Variants in SUPV3L1 observed in about 807,000 individuals in gnomAD.
SUPV3L1 encodes the protein Suv3 like RNA helicase, also known as ATP-dependent RNA helicase SUPV3L1, mitochondrial.
In SUPV3L1, 35 loss-of-function variants were observed where a neutral mutation model predicts 70.0. The observed-to-expected ratio is 0.50, with a 90% CI of 0.38 to 0.66. The LOEUF (loss-of-function observed/expected upper bound fraction) is 0.66, where lower values mean the gene tolerates loss of function less well. Among genes scored for constraint, SUPV3L1 ranks in the 30% least tolerant of loss-of-function variants. The pLI is 0.00. For missense variants in SUPV3L1, 777 were observed against 961.5 expected (o/e 0.81, Z 2.54); for synonymous variants, 364 against 341.9 (o/e 1.06, Z -0.71).
At chr10:69,201,919 C>T (rs1452771463) in intron 11 of SUPV3L1, among the ~76,000 whole-genome samples, 2 of 149,130 alleles carry the variant, frequency 1.3e-5, no homozygotes, top group Non-Finnish European at 3.0e-5. Context: ...CGGCTCACTG[C>T]AAGCTCTGCC....
At chr10:69,198,954 T>C in intron 9 of SUPV3L1, 150 bp from the exon 10 acceptor site, 1 of 623,984 alleles carries the variant, frequency 1.6e-6, no homozygotes, top group Non-Finnish European at 2.7e-6. Context: ...TAAGTGGCTC[T>C]TTGAGGATAT....
At chr10:69,193,263 A>G (rs1405888775) in intron 6 of SUPV3L1, 1 of 47,534 alleles carries the variant, frequency 2.1e-5, no homozygotes, top group African/African-American at 3.7e-5. Flanking sequence ...ACAAATAGGA[A>G]GGTACTTTAC....
At chr10:69,205,828 C>CCCGG (rs1321496827) in intron 13 of SUPV3L1, among the ~76,000 whole-genome samples, 2 of 152,248 alleles carry the variant, frequency 1.3e-5, no homozygotes, top group Admixed American at 1.3e-4. Flanking sequence ...AGCCACCACA[C>CCCGG]CCGGCCGCTC....
chr10:69,183,566 C>T lies in SUPV3L1; in HGVS notation c.272-2421C>T, dbSNP rs1842128500. The stretch of plus-strand genomic sequence containing the variant: ...TGATGGTGTGTGCCTGTAGTTCCAG[C>T]TACTTGGGAGGCTGAGGTGGGAGGG... On this transcript the variant is annotated intron_variant, in intron 1 of 14. Coordinates refer to ENST00000359655, the MANE Select transcript of SUPV3L1 (RefSeq NM_003171.5). Among the ~76,000 whole-genome samples the T allele has an allele frequency of 2.0e-5, 3 of 152,196 alleles. No homozygotes were observed. In the South Asian group the frequency reaches 6.2e-4, roughly 32 times the overall value.
rs779854894 is a variant in SUPV3L1, at chr10:69,208,835, A to G, written c.2161A>G (p.Thr721Ala). 8 of 1,614,160 alleles carry G rather than the reference A, an allele frequency of 5.0e-6. No homozygotes were observed. In the South Asian group the frequency reaches 8.8e-5, roughly 18 times the overall value. ...CACCAAAGCTCTAGGGAGTAAAGCTACTGAGCCACCCAGCCCCGATGCAGG... is the reference window on the plus strand; with the variant it reads ...CACCAAAGCTCTAGGGAGTAAAGCTGCTGAGCCACCCAGCCCCGATGCAGG... ...RGTKALGSKA[T>A]EPPSPDAGEL... is the part of the protein sequence containing the mutation. The change falls in exon 15 of 15, where the codon ACT becomes GCT. Residue 721 changes from threonine to alanine, a missense_variant. Thr to Ala is a moderately conservative substitution (Grantham distance 58). Coordinates refer to ENST00000359655, the MANE Select transcript of SUPV3L1 (RefSeq NM_003171.5).
Position 69,191,772 on chromosome 10 carries a change from T to C in SUPV3L1, c.853+6T>C, listed in dbSNP as rs576391101. The C allele has an allele frequency of 5.0e-6, 8 of 1,600,422 alleles. No individual in the cohort carries two copies. In the South Asian group the frequency reaches 6.7e-5, roughly 13 times the overall value. Reference sequence around the variant, plus strand: ...GTGCAGTGTTACAACTCCTTGTATGTATATGCTGTTTAAGAAACTATGGTT... The same window carrying C: ...GTGCAGTGTTACAACTCCTTGTATGCATATGCTGTTTAAGAAACTATGGTT... On this transcript the variant is annotated splice_donor_region_variant and intron_variant, in intron 6 of 14. Transcript: ENST00000359655.
In SUPV3L1 at chr10:69,190,173, C is replaced by T. The variant is rs188461026; in HGVS notation, c.741+738C>T. On this transcript the variant is annotated intron_variant, in intron 5 of 14. Coordinates refer to ENST00000359655, the MANE Select transcript of SUPV3L1 (RefSeq NM_003171.5). ...AGAAATAAAATATTGTTGCTACTCT[C>T]AAAACTCTGTAGTCCTTTGCCCCAT... 2.6e-5 allele frequency among the ~76,000 whole-genome samples: 4 copies of T among 152,298 alleles called. No homozygotes were observed. In the East Asian group the frequency reaches 7.7e-4, roughly 29 times the overall value.
intron 9 of SUPV3L1, 128 bp downstream of exon 9, chr10:69,198,680 C>A (rs76732497): frequency 1.8e-5 from 15 of 813,632 alleles, no homozygotes; most frequent in Non-Finnish European, 2.6e-5. Flanking sequence ...ATTTGTTAAA[C>A]GTCATATAAA....
chr10:69,201,181 T>C (rs1225229453), intron 11 of SUPV3L1, among the ~76,000 whole-genome samples: 1 of 152,194 alleles, frequency 6.6e-6, no homozygotes, highest in African/African-American at 2.4e-5. Context: ...GGTTCGTGGT[T>C]GGCTCCTGTG....
In SUPV3L1 at chr10:69,200,262, CT is replaced by C; in HGVS notation, c.1299-14del. On this transcript the variant is annotated splice_polypyrimidine_tract_variant and intron_variant, in intron 10 of 14. Transcript: ENST00000359655. Reference sequence around the variant, plus strand: ...GTTTTTCATACAGTCTGCAGGATCACTTTTATTTCTGTTTCAGGAGCATAAG... The same window carrying C: ...GTTTTTCATACAGTCTGCAGGATCACTTTATTTCTGTTTCAGGAGCATAAG... The C allele has an allele frequency of 6.2e-7, 1 of 1,606,106 alleles. No individual in the cohort carries two copies. The highest frequency in any genetic ancestry group is 1.1e-5 in the South Asian group (1 of 90,786).
intron 6 of SUPV3L1, chr10:69,193,198 G>A (rs1396619506): frequency 6.6e-6 from 1 of 152,108 alleles, no homozygotes; most frequent in African/African-American, 2.4e-5. Flanking sequence ...GTTAATATTT[G>A]TGTTCATGTT....
chr10:69,201,393 T>G (rs1424621190), intron 11 of SUPV3L1, among the ~76,000 whole-genome samples: 1 of 152,218 alleles, frequency 6.6e-6, no homozygotes, highest in East Asian at 1.9e-4. Context: ...TTTAAAAATG[T>G]TCTCATGTCT....
intron 10 of SUPV3L1, 32 bp downstream of exon 10, chr10:69,199,229 T>G: frequency 6.5e-7 from 1 of 1,544,304 alleles, no homozygotes; most frequent in Non-Finnish European, 8.8e-7. Context: ...AGATGAATAT[T>G]TGGTGAGTTA....
intron 1 of SUPV3L1, among the ~76,000 whole-genome samples, chr10:69,184,255 G>C (rs964770868): frequency 5.3e-5 from 8 of 152,062 alleles, no homozygotes; most frequent in African/African-American, 1.7e-4. Flanking sequence ...TTGGCCAGGT[G>C]CAGTGGCTCA....
rs577129722 is a variant in SUPV3L1 at position 69,200,323 on chromosome 10, A to G, written c.1342A>G (p.Ile448Val). The stretch of plus-strand genomic sequence containing the variant: ...TTTTTACTCCCTTATAAAGCCCAGT[A>G]TCAATGAAAAGGGAGAGAGAGAACT... ...IIFYSLIKPS[I>V]NEKGERELEP... The change falls in exon 11 of 15, where the codon ATC (isoleucine) becomes GTC (valine). Residue 448 changes from isoleucine (I) to valine (V), a missense_variant. By Grantham distance (29) the Ile-to-Val change is conservative. This residue lies in a region of SUPV3L1 where 619 missense variants were observed against 823.3 expected (regional missense o/e 0.75). Transcript: ENST00000359655. 1.2e-5 allele frequency: 19 copies of G among 1,614,142 alleles called. No homozygotes were observed. The South Asian group carries it at 2.0e-4, about 17-fold the overall frequency.
chr10:69,196,315 A>G (rs1842541000), intron 7 of SUPV3L1, among the ~76,000 whole-genome samples: 1 of 152,126 alleles, frequency 6.6e-6, no homozygotes, highest in Admixed American at 6.5e-5. Flanking sequence ...AACATGGCGA[A>G]ACCCTGTCTC....
In SUPV3L1 at chr10:69,186,340, A is replaced by G. The variant is rs563447757; in HGVS notation, c.350-103A>G. ...GCTGTACTGCCAAAAAAAAAAAAAA[A>G]AAAAGAAAAAAAAAGACTCTTTGAT... On this transcript the variant is annotated intron_variant, in intron 2 of 14. Coordinates refer to ENST00000359655, the MANE Select transcript of SUPV3L1 (RefSeq NM_003171.5). The G allele has an allele frequency of 1.1e-3, 726 of 665,640 alleles. 2 individuals are homozygous for G. The highest frequency in any genetic ancestry group is 1.1e-3 in the Admixed American group (29 of 26,350). The allele number at this position is 665,640 out of a possible 1,614,324, so 41.2% of individuals were successfully genotyped here.
intron 12 of SUPV3L1, 79 bp from the exon 13 acceptor site, chr10:69,202,788 T>TAGGC: frequency 7.1e-7 from 1 of 1,403,216 alleles, no homozygotes; most frequent in Non-Finnish European, 9.8e-7. Context: ...GATTGTCTTT[T>TAGGC]ATAGACTTGA....
chr10:69,183,675 C>T (rs1294678474), intron 1 of SUPV3L1, among the ~76,000 whole-genome samples: 2 of 151,884 alleles, frequency 1.3e-5, no homozygotes, highest in Non-Finnish European at 2.9e-5. Flanking sequence ...AGAGTGAGAC[C>T]CTGTCTCAAA....
Sources: gnomAD v4.1 joint callset for allele counts (sites outside exome capture counted in the v4.1 genomes callset) on GRCh38, gnomAD v4.1.1 for gene constraint, gnomAD v4.1.1 regional missense constraint, MANE v1.5 for transcripts, NCBI Gene and HGNC (gene_info 2026-07-23, HGNC 2026-07-21) for gene names.